AFG2A: variants seen among roughly 807,000 people sequenced by gnomAD.
AFG2A encodes the protein ATPase family gene 2 protein homolog A.
chr4:123,012,004 G>T, the AFG2A span, among the ~76,000 whole-genome samples: 18 of 146,080 alleles, frequency 1.2e-4, no homozygotes, highest in Non-Finnish European at 2.6e-4. Context: ...GTGGAGAAGG[G>T]GTGGGTAGAG....
the AFG2A span, among the ~76,000 whole-genome samples, chr4:122,974,780 A>G: frequency 6.6e-6 from 1 of 151,996 alleles, no homozygotes. Flanking sequence ...AGCTAGGATT[A>G]CAGGCATGCA....
the AFG2A span, among the ~76,000 whole-genome samples, chr4:123,297,608 A>G: frequency 6.6e-6 from 1 of 151,690 alleles, no homozygotes; most frequent in African/African-American, 2.4e-5. Context: ...AGTCCCAGCT[A>G]CTCCAGAGGC....
chr4:123,021,581 TAATA>T, the AFG2A span, among the ~76,000 whole-genome samples: 1 of 152,222 alleles, frequency 6.6e-6, no homozygotes, highest in African/African-American at 2.4e-5. Flanking sequence ...AGAACTTCCA[TAATA>T]AATAAAAGCT....
the AFG2A span, among the ~76,000 whole-genome samples, chr4:123,228,622 A>T: frequency 6.6e-6 from 1 of 152,052 alleles, no homozygotes; most frequent in Non-Finnish European, 1.5e-5. Flanking sequence ...TTATTTTAAT[A>T]TGCATTATCT....
chr4:123,229,497 A>G, the AFG2A span, among the ~76,000 whole-genome samples: 1 of 151,988 alleles, frequency 6.6e-6, no homozygotes, highest in Admixed American at 6.6e-5. Flanking sequence ...CATTCCAGCA[A>G]CCTCTAAGAA....
At chr4:123,139,090 T>C in the AFG2A span, among the ~76,000 whole-genome samples, 1 of 152,136 alleles carries the variant, frequency 6.6e-6, no homozygotes, top group African/African-American at 2.4e-5. Context: ...GATTATATTA[T>C]AGCTTTTCTT....
the AFG2A span, among the ~76,000 whole-genome samples, chr4:123,211,100 C>T: frequency 2.0e-5 from 3 of 152,156 alleles, no homozygotes; most frequent in Non-Finnish European, 2.9e-5. Flanking sequence ...ATGTTGTATA[C>T]GTTATTTAGA....
chr4:123,128,494 C>T, the AFG2A span, among the ~76,000 whole-genome samples: 1 of 151,954 alleles, frequency 6.6e-6, no homozygotes, highest in African/African-American at 2.4e-5. Context: ...AAACATCTAC[C>T]CAAGAAGTAA....
chr4:123,284,889 A>C, the AFG2A span, among the ~76,000 whole-genome samples: 1 of 152,324 alleles, frequency 6.6e-6, no homozygotes, highest in East Asian at 1.9e-4. Context: ...TTGAGATTTT[A>C]ACAGCAGTGA....
chr4:123,159,739 T>A, the AFG2A span, among the ~76,000 whole-genome samples: 2 of 152,112 alleles, frequency 1.3e-5, no homozygotes. Flanking sequence ...TGCCCAGACC[T>A]AAGCCAATTG....
the AFG2A span, among the ~76,000 whole-genome samples, chr4:123,175,010 A>G: frequency 6.6e-6 from 1 of 151,912 alleles, no homozygotes; most frequent in South Asian, 2.1e-4. Flanking sequence ...TTTTGTAGAG[A>G]TGGGGTTTCA....
At chr4:122,965,389 C>T in the AFG2A span, among the ~76,000 whole-genome samples, 2 of 152,078 alleles carry the variant, frequency 1.3e-5, no homozygotes, top group Non-Finnish European at 2.9e-5. Context: ...TGCTCTTGTC[C>T]AGAATTGGTT....
the AFG2A span, among the ~76,000 whole-genome samples, chr4:123,173,356 T>G: frequency 0.02 from 2,347 of 120,028 alleles, 84 homozygotes; most frequent in African/African-American, 0.066. Flanking sequence ...TTTTTTTTTT[T>G]TTTTTTTTTT....
the AFG2A span, among the ~76,000 whole-genome samples, chr4:123,115,987 C>G: frequency 2.7e-4 from 41 of 152,212 alleles, no homozygotes; most frequent in South Asian, 5.6e-3. Context: ...GCAGCCTTGA[C>G]CTCATGGGCT....
chr4:123,124,871 C>A, the AFG2A span, among the ~76,000 whole-genome samples: 1 of 152,112 alleles, frequency 6.6e-6, no homozygotes, highest in East Asian at 1.9e-4. Context: ...CTTCTTTTGA[C>A]AGAAATTATT....
the AFG2A span, among the ~76,000 whole-genome samples, chr4:122,981,250 T>C: frequency 3.9e-5 from 6 of 152,288 alleles, no homozygotes; most frequent in South Asian, 1.2e-3. Flanking sequence ...GGATATACAG[T>C]TTTCCTGACA....
the AFG2A span, among the ~76,000 whole-genome samples, chr4:123,076,960 G>T: frequency 3.1e-4 from 1 of 3,182 alleles, no homozygotes; most frequent in Admixed American, 2.5e-3. Flanking sequence ...GCCCTGTGCT[G>T]TGTGTGTGTG....
At chr4:123,074,061 T>C in the AFG2A span, among the ~76,000 whole-genome samples, 1 of 151,426 alleles carries the variant, frequency 6.6e-6, no homozygotes, top group South Asian at 2.1e-4. Context: ...TCTCTTTGAT[T>C]TCTTTCAATA....
chr4:123,173,207 A>G, the AFG2A span, among the ~76,000 whole-genome samples: 1 of 152,130 alleles, frequency 6.6e-6, no homozygotes, highest in Non-Finnish European at 1.5e-5. Flanking sequence ...CCAGGATACT[A>G]TCTGGCTAAT....
Sources: allele counts gnomAD v4.1 joint callset (sites outside exome capture counted in the v4.1 genomes callset), GRCh38; gene constraint gnomAD v4.1.1; transcripts MANE v1.5; gene names NCBI Gene and HGNC (gene_info 2026-07-23, HGNC 2026-07-21).